The following PRUNE2 variants were observed in gnomAD, a reference collection of about 807,000 sequenced individuals.
The protein encoded by PRUNE2 is protein prune homolog 2.
A neutral mutation model predicts 252.0 loss-of-function variants in PRUNE2; 164 were observed. That is an observed-to-expected ratio of 0.65 (90% confidence interval 0.57 to 0.74). The LOEUF (loss-of-function observed/expected upper bound fraction) is 0.74, where lower values mean the gene tolerates loss of function less well. Ranked by LOEUF, PRUNE2 falls within the 30% of genes least tolerant of loss-of-function variation. PRUNE2 has a pLI of 0.00. For synonymous variants in PRUNE2, 1,292 were observed against 1,350.2 expected (o/e 0.96, Z 0.94); for missense variants, 3,495 against 3,711.0 (o/e 0.94, Z 1.51).
Position 76,629,121 on chromosome 9 carries a change from G to A in PRUNE2, c.9149+71C>T, listed in dbSNP as rs987888006. The A allele has an allele frequency of 2.4e-5, 22 of 901,658 alleles. No homozygotes were observed. In the South Asian group the frequency reaches 3.3e-4, roughly 13 times the overall value. The allele number at this position is 901,658 out of a possible 1,614,324, so 55.9% of individuals were successfully genotyped here. The stretch of plus-strand genomic sequence containing the variant: ...GCCTCCCAAAGTGCTAGGATTACAG[G>A]CGTGAGCCACCACACCCAGCCTCAA... On this transcript the variant is annotated intron_variant, in intron 16 of 18. Coordinates refer to ENST00000376718, the MANE Select transcript of PRUNE2 (RefSeq NM_015225.3).
intron 6 of PRUNE2, among the ~76,000 whole-genome samples, chr9:76,793,744 G>GA: frequency 6.7e-6 from 1 of 150,162 alleles, no homozygotes; most frequent in Non-Finnish European, 1.5e-5. Context: ...TATTGTTCTT[G>GA]AAAAAAGGAA....
chr9:76,629,168 A>G lies in PRUNE2; in HGVS notation c.9149+24T>C, dbSNP rs141170516. Reference sequence around the variant, plus strand: ...TCAAACTAGTACTATTTCTTAACACATCTCTGAAACTGTCAGGACTTACTT... The same window carrying G: ...TCAAACTAGTACTATTTCTTAACACGTCTCTGAAACTGTCAGGACTTACTT... On this transcript the variant is annotated intron_variant, in intron 16 of 18. Coordinates refer to ENST00000376718, the MANE Select transcript of PRUNE2 (RefSeq NM_015225.3). The G allele has an allele frequency of 2.1e-6, 3 of 1,442,130 alleles. No individual in the cohort carries two copies. The African/African-American group carries it at 4.2e-5, about 20-fold the overall frequency. 89.3% of individuals were successfully genotyped at this position (1,442,130 alleles called of 1,614,324 possible).
At chr9:76,839,095 G>A (rs11792551) in intron 4 of PRUNE2, among the ~76,000 whole-genome samples, 28,858 of 151,868 alleles carry the variant, frequency 0.19, 3,564 homozygotes, top group African/African-American at 0.34. Flanking sequence ...AAGGAACAAC[G>A]TCCAAATTTT....
chr9:76,902,082 G>C (rs2063212664), intron 1 of PRUNE2, among the ~76,000 whole-genome samples: 1 of 152,174 alleles, frequency 6.6e-6, no homozygotes, highest in South Asian at 2.1e-4. Context: ...GAGGCCCAGT[G>C]TGGGGAGCCT....
chr9:76,652,564 C>A lies in PRUNE2; in HGVS notation c.8476G>T (p.Asp2826Tyr). Residue 2826 changes from aspartate (D) to tyrosine (Y), a missense_variant, in exon 11 of 19, where the codon GAC becomes TAC. Transcript: ENST00000376718. Reference sequence around the variant, plus strand: ...TTGATGTCAATTTCATCTGGACTGTCCAAGTTATCATCAGAGAGAATAGAT... The same window carrying A: ...TTGATGTCAATTTCATCTGGACTGTACAAGTTATCATCAGAGAGAATAGAT... The part of the protein sequence containing the change: ...EGSILSDDNL[D>Y]SPDEIDINVD... 6.2e-7 allele frequency: 1 copy of A among 1,613,222 alleles called. No individual in the cohort carries two copies. The highest frequency in any genetic ancestry group is 1.1e-5 in the South Asian group (1 of 91,062).
intron 9 of PRUNE2, among the ~76,000 whole-genome samples, chr9:76,698,826 A>G (rs999259396): frequency 9.2e-5 from 14 of 152,220 alleles, no homozygotes; most frequent in African/African-American, 3.4e-4. Context: ...GGTGAAAATT[A>G]CTAATTTAAA....
chr9:76,629,154 C>T (rs1179058480), intron 16 of PRUNE2, 38 bp downstream of exon 16: 1 of 1,317,572 alleles, frequency 7.6e-7, no homozygotes, highest in Non-Finnish European at 1.1e-6. Flanking sequence ...CAAACTAGTA[C>T]TATTTCTTAA....
At chr9:76,644,538 G>A (rs1843966757) in intron 12 of PRUNE2, 2 of 684,500 alleles carry the variant, frequency 2.9e-6, no homozygotes, top group Non-Finnish European at 5.3e-6. Context: ...ATATTGGAAA[G>A]TTGTCTTTGC....
intron 1 of PRUNE2, among the ~76,000 whole-genome samples, chr9:76,903,205 G>A (rs556016141): frequency 2.0e-5 from 3 of 152,038 alleles, no homozygotes; most frequent in African/African-American, 7.2e-5. Context: ...TTATATCTAT[G>A]GCTAATAGCA....
At chr9:76,823,770 A>T in intron 5 of PRUNE2, 44 bp from the exon 6 acceptor site, 1 of 1,114,778 alleles carries the variant, frequency 9.0e-7, no homozygotes, top group Non-Finnish European at 1.3e-6. Context: ...TACTTGAGGG[A>T]TTTTTTTTTT....
intron 1 of PRUNE2, among the ~76,000 whole-genome samples, chr9:76,881,569 C>A (rs2133297432): frequency 6.6e-6 from 1 of 152,136 alleles, no homozygotes; most frequent in South Asian, 2.1e-4. Context: ...ATTGCCCCAG[C>A]AACCACCAAT....
chr9:76,678,122 C>T (rs2042932925), intron 9 of PRUNE2, among the ~76,000 whole-genome samples: 1 of 151,996 alleles, frequency 6.6e-6, no homozygotes, highest in African/African-American at 2.4e-5. Context: ...GTAATCCCAG[C>T]ACTTTGAGAA....
At chr9:76,774,892 T>C (rs971384100) in intron 6 of PRUNE2, among the ~76,000 whole-genome samples, 1 of 152,236 alleles carries the variant, frequency 6.6e-6, no homozygotes, top group Admixed American at 6.5e-5. Context: ...CAAATTCTGT[T>C]ACCAGCTATG....
At chr9:76,773,688 C>A (rs368237008) in intron 6 of PRUNE2, among the ~76,000 whole-genome samples, 1 of 152,134 alleles carries the variant, frequency 6.6e-6, no homozygotes, top group East Asian at 1.9e-4. Flanking sequence ...AGGTGATCCA[C>A]CTGACTCGGC....
intron 1 of PRUNE2, chr9:76,862,156 C>G (rs908003962): frequency 6.6e-6 from 1 of 152,440 alleles, no homozygotes; most frequent in African/African-American, 2.4e-5. Flanking sequence ...CGGTGGCTCA[C>G]GCCTGTAATC....
At chr9:76,905,511 A>T (rs2063435306) in intron 1 of PRUNE2, among the ~76,000 whole-genome samples, 1 of 152,084 alleles carries the variant, frequency 6.6e-6, no homozygotes, top group African/African-American at 2.4e-5. Flanking sequence ...CACTTTTGTC[A>T]CCTCCAGCTG....
At chr9:76,799,717 G>A (rs148290215) in intron 6 of PRUNE2, among the ~76,000 whole-genome samples, 3 of 152,268 alleles carry the variant, frequency 2.0e-5, no homozygotes, top group Admixed American at 6.5e-5. Context: ...AAAGAACTGC[G>A]TGATCACTGT....
At chr9:76,830,665 GAAAA>G (rs1268823852) in intron 4 of PRUNE2, among the ~76,000 whole-genome samples, 1 of 88,532 alleles carries the variant, frequency 1.1e-5, no homozygotes, top group Non-Finnish European at 2.4e-5. Flanking sequence ...AACAAAAAAA[GAAAA>G]AAAAAAAAAG....
intron 6 of PRUNE2, among the ~76,000 whole-genome samples, chr9:76,776,893 T>TACACACACACACACACAC (rs541232508): frequency 8.6e-6 from 1 of 115,616 alleles, no homozygotes; most frequent in Non-Finnish European, 1.7e-5. Context: ...CCAAAACACA[T>TACACACACACACACACAC]ACACACACAC....
Sources: gnomAD v4.1 joint callset for allele counts (sites outside exome capture counted in the v4.1 genomes callset) on GRCh38, gnomAD v4.1.1 for gene constraint, MANE v1.5 for transcripts, NCBI Gene and HGNC (gene_info 2026-07-23, HGNC 2026-07-21) for gene names.